The following CLTC variants were observed in gnomAD, a reference collection of about 807,000 sequenced individuals.
CLTC encodes the protein clathrin heavy chain 1.
CLTC carries 16 observed loss-of-function variants against 195.8 expected under a neutral mutation model. The ratio of observed to expected loss-of-function variants is 0.08; its 90% CI spans 0.06 to 0.12. CLTC has a LOEUF of 0.12. Among genes scored for constraint, CLTC ranks in the 10% least tolerant of loss-of-function variants. The pLI, the probability that CLTC is intolerant of heterozygous loss-of-function variation, is 1.00. For synonymous variants in CLTC, 667 were observed against 689.4 expected (o/e 0.97, Z 0.51); for missense variants, 796 against 2,027.0 (o/e 0.39, Z 11.66).
chr17:59,620,069 G>T lies in CLTC; in HGVS notation c.-63G>T. The T allele has an allele frequency of 6.5e-7, 1 of 1,529,844 alleles. No homozygotes were observed. The highest frequency in any genetic ancestry group is 1.1e-5 in the South Asian group (1 of 88,808). The allele number at this position is 1,529,844 out of a possible 1,614,324, so 94.8% of individuals were successfully genotyped here. On this transcript the variant is annotated 5_prime_UTR_variant, in exon 1 of 32. Coordinates refer to ENST00000269122, the MANE Select transcript of CLTC (RefSeq NM_004859.4). ...CCCTTCTCCTCCTCTCCCTTGGAGA[G>T]CCCGGGCAGCCACTGCCCCGCAGCC...
Position 59,647,492 on chromosome 17 carries a change from T to A in CLTC, c.345T>A (p.Ser115=). The A allele has an allele frequency of 6.2e-7, 1 of 1,614,092 alleles. No homozygotes were observed. The highest frequency in any genetic ancestry group is 8.5e-7 in the Non-Finnish European group (1 of 1,179,934). ...ATGTCACCTTTTGGAAATGGATCTCTTTGAATACGGTTGCTCTTGTTACGG... is the reference window on the plus strand; with the variant it reads ...ATGTCACCTTTTGGAAATGGATCTCATTGAATACGGTTGCTCTTGTTACGG... ...TDDVTFWKWI[S]LNTVALVTDN... Residue 115 remains serine (S), a synonymous_variant, in exon 3 of 32, where the codon TCT becomes TCA. Transcript: ENST00000269122.
intron 6 of CLTC, among the ~76,000 whole-genome samples, chr17:59,659,268 A>T (rs1327484565): frequency 3.3e-5 from 5 of 151,956 alleles, no homozygotes; most frequent in African/African-American, 1.2e-4. Flanking sequence ...GGGGAATGGG[A>T]TGGATGGGTA....
At chr17:59,644,527 T>C in intron 2 of CLTC, 44 bp downstream of exon 2, 1 of 1,302,684 alleles carries the variant, frequency 7.7e-7, no homozygotes, top group South Asian at 1.3e-5. Context: ...TCCTATGTTT[T>C]TGTTTTTTTT....
chr17:59,638,778 G>A (rs2031945004), intron 1 of CLTC, among the ~76,000 whole-genome samples: 1 of 152,168 alleles, frequency 6.6e-6, no homozygotes, highest in Non-Finnish European at 1.5e-5. Context: ...TCTTCTGTGT[G>A]GCCCAGTTGC....
chr17:59,680,265 C>G (rs908758276), intron 18 of CLTC, among the ~76,000 whole-genome samples: 1 of 152,010 alleles, frequency 6.6e-6, no homozygotes, highest in Non-Finnish European at 1.5e-5. Flanking sequence ...CCAAGTGCAT[C>G]AGTGTTATAT....
At chr17:59,687,615 G>A (rs2033212404) in intron 30 of CLTC, among the ~76,000 whole-genome samples, 1 of 151,878 alleles carries the variant, frequency 6.6e-6, no homozygotes, top group Non-Finnish European at 1.5e-5. Flanking sequence ...TGTTTCTCCA[G>A]GTGTCCAGTT....
intron 14 of CLTC, among the ~76,000 whole-genome samples, chr17:59,671,544 CA>C (rs1376507192): frequency 1.3e-5 from 2 of 152,116 alleles, no homozygotes; most frequent in Admixed American, 1.3e-4. Flanking sequence ...ACCCTGTGAG[CA>C]GGATAAAATT....
At chr17:59,634,048 A>G (rs192248116) in intron 1 of CLTC, among the ~76,000 whole-genome samples, 1 of 152,234 alleles carries the variant, frequency 6.6e-6, no homozygotes, top group East Asian at 1.9e-4. Context: ...AGCTAGAACT[A>G]CAGGTGCACA....
chr17:59,632,382 AAG>A (rs2031749053), intron 1 of CLTC, among the ~76,000 whole-genome samples: 1 of 151,722 alleles, frequency 6.6e-6, no homozygotes, highest in South Asian at 2.1e-4. Context: ...AAAAAAAAAA[AAG>A]ATTTTTAGAA....
At chr17:59,639,803 TAAA>T (rs34219678) in intron 1 of CLTC, among the ~76,000 whole-genome samples, 1 of 142,654 alleles carries the variant, frequency 7.0e-6, no homozygotes, top group African/African-American at 2.6e-5. Flanking sequence ...ACCTGTCTCT[TAAA>T]AAAAAAAAAA....
Position 59,682,247 on chromosome 17 carries a change from T to C in CLTC, c.3443-24T>C, listed in dbSNP as rs188916671. 1 of 1,598,550 alleles carries C rather than the reference T, an allele frequency of 6.3e-7. No homozygotes were observed. Among genetic ancestry groups the C allele is most frequent in the East Asian group, 2.2e-5 (1 of 44,734 alleles). On this transcript the variant is annotated intron_variant, in intron 21 of 31. Coordinates refer to ENST00000269122, the MANE Select transcript of CLTC (RefSeq NM_004859.4). This position sits in a 1 kb window ranked among gnomAD's most constrained non-coding sequence, Gnocchi z 6.8. ...AAACTAGGATGTTAGTGTTTGGATA[T>C]ATTTTTTCTTTTTCTATACTTAGGA... is the stretch of plus-strand genomic sequence containing the variant.
At chr17:59,673,130 A>C (rs971140530) in intron 14 of CLTC, among the ~76,000 whole-genome samples, 2 of 151,096 alleles carry the variant, frequency 1.3e-5, no homozygotes, top group African/African-American at 4.9e-5. Context: ...GGGTTTTCTT[A>C]TGGCCACATG....
Position 59,681,752 on chromosome 17 carries a change from G to A in CLTC, c.3355G>A (p.Gly1119Arg). 1 of 1,614,072 alleles carries A rather than the reference G, an allele frequency of 6.2e-7. No homozygotes were observed. Among genetic ancestry groups the A allele is most frequent in the Non-Finnish European group, 8.5e-7 (1 of 1,179,970 alleles). ...ACTTGCAAAAGCCCAGTTGCAGAAA[G>A]GAATGGTGAAAGAAGCCATTGATTC... The part of the protein sequence containing the change: ...SQLAKAQLQK[G>R]MVKEAIDSYI... Residue 1119 changes from glycine to arginine, a missense_variant, in exon 21 of 32, where the codon GGA becomes AGA. Physicochemically the swap from Gly to Arg is moderately radical, Grantham distance 125. Transcript: ENST00000269122. This position sits in a 1 kb window ranked among gnomAD's most constrained non-coding sequence, Gnocchi z 5.0.
rs943039866 is a variant in CLTC, at chr17:59,660,284, C to A, written c.970-107C>A. ...AATGGCAGCAAGAAAACAGCTGTCA[C>A]AATTTCATTACCTTTGTGACTCAGT... On this transcript the variant is annotated intron_variant, in intron 6 of 31. Coordinates refer to ENST00000269122, the MANE Select transcript of CLTC (RefSeq NM_004859.4). 4.3e-6 allele frequency: 4 copies of A among 938,814 alleles called. No individual in the cohort carries two copies. The African/African-American group carries it at 5.0e-5, about 12-fold the overall frequency. 58.2% of individuals were successfully genotyped at this position (938,814 alleles called of 1,614,324 possible).
intron 17 of CLTC, among the ~76,000 whole-genome samples, chr17:59,677,747 T>G (rs1342558607): frequency 6.6e-6 from 1 of 152,230 alleles, no homozygotes. Flanking sequence ...CTCCTGTACT[T>G]TGGAATGGTT....
chr17:59,695,395 C>T lies in CLTC; in HGVS notation c.*1543C>T, dbSNP rs1300013426. 1.4e-4 allele frequency: 25 copies of T among 179,660 alleles called. No individual in the cohort carries two copies. Among genetic ancestry groups the T allele is most frequent in the Admixed American group, 7.5e-4 (12 of 15,898 alleles). The allele number at this position is 179,660 out of a possible 1,614,324, so 11.1% of individuals were successfully genotyped here. A position where few individuals can be genotyped will look rare whatever the true frequency, so the allele number is the denominator to read the frequency against. Reference sequence around the variant, plus strand: ...GTCCCACCAGGTGTGGTGGCTCATGCCTGTAATCCCAGCACTTTGGGAGGC... The same window carrying T: ...GTCCCACCAGGTGTGGTGGCTCATGTCTGTAATCCCAGCACTTTGGGAGGC... On this transcript the variant is annotated 3_prime_UTR_variant, in exon 32 of 32. Coordinates refer to ENST00000269122, the MANE Select transcript of CLTC (RefSeq NM_004859.4).
At position 59,696,529 on chromosome 17, in the gene CLTC, T is replaced by C. The variant is rs200845901; in HGVS notation, c.*2677T>C. The C allele has an allele frequency of 2.2e-5, 2 of 92,220 alleles. No individual in the cohort carries two copies. The highest frequency in any genetic ancestry group is 1.1e-4 in the African/African-American group (2 of 18,030). 5.7% of individuals were successfully genotyped at this position (92,220 alleles called of 1,614,324 possible). On this transcript the variant is annotated 3_prime_UTR_variant, in exon 32 of 32. Coordinates refer to ENST00000269122, the MANE Select transcript of CLTC (RefSeq NM_004859.4). Reference sequence around the variant, plus strand: ...GTATCCTCCTAAAAGAAGGCTTAAATAGTTTCTAACAAGATGACTATCAGG... The same window carrying C: ...GTATCCTCCTAAAAGAAGGCTTAAACAGTTTCTAACAAGATGACTATCAGG...
chr17:59,687,698 T>C (rs959010107), intron 30 of CLTC, among the ~76,000 whole-genome samples: 6 of 152,192 alleles, frequency 3.9e-5, no homozygotes, highest in Non-Finnish European at 5.9e-5. Context: ...GCTATAATTG[T>C]TGCTAAGCAA....
rs762555991 is a variant in CLTC, at chr17:59,682,615, C to CT, written c.3601-5dup. On this transcript the variant is annotated splice_polypyrimidine_tract_variant and intron_variant, in intron 22 of 31. Transcript: ENST00000269122. The surrounding 1 kb of genome is among the most constrained non-coding windows in gnomAD (Gnocchi z 6.8). ...TAATATCTTGCTGAATGTGGGTTAC[C>CT]TTTTTTTTTCCAGGTTGGTGACCGT... The CT allele has an allele frequency of 6.4e-5, 103 of 1,599,152 alleles. No homozygotes were observed. The highest frequency in any genetic ancestry group is 1.7e-4 in the South Asian group (15 of 90,180).
Sources: allele counts gnomAD v4.1 joint callset (sites outside exome capture counted in the v4.1 genomes callset), GRCh38; gene constraint gnomAD v4.1.1; non-coding constraint Gnocchi (gnomAD v3.1); transcripts MANE v1.5; gene names NCBI Gene and HGNC (gene_info 2026-07-23, HGNC 2026-07-21).